The following KCNIP4 variants were observed in gnomAD, a reference collection of about 807,000 sequenced individuals.
KCNIP4 encodes Kv channel-interacting protein 4.
In KCNIP4, 12 loss-of-function variants were observed where a neutral mutation model predicts 34.0. The observed-to-expected ratio is 0.35, with a 90% CI of 0.23 to 0.57. The LOEUF is 0.57. KCNIP4 is among the 20% of genes least tolerant of loss of function. The pLI is 0.83. For missense variants in KCNIP4, 238 were observed against 311.7 expected, an observed-to-expected ratio of 0.76 and a Z score of 1.78; for synonymous variants, 124 against 102.2, an observed-to-expected ratio of 1.21 and a Z score of -1.29.
At chr4:21,178,357 T>C (rs1754583915) in intron 1 of KCNIP4, among the ~76,000 whole-genome samples, 1 of 152,120 alleles carries the variant, frequency 6.6e-6, no homozygotes, top group African/African-American at 2.4e-5. Context: ...GTTGTTGATG[T>C]TTTACTTGTC....
intron 1 of KCNIP4, among the ~76,000 whole-genome samples, chr4:20,986,339 A>T (rs1327789065): frequency 6.6e-6 from 1 of 152,202 alleles, no homozygotes; most frequent in African/African-American, 2.4e-5. Flanking sequence ...CACCTGCCCA[A>T]TCACCCATCC....
intron 1 of KCNIP4, among the ~76,000 whole-genome samples, chr4:21,414,855 A>G (rs2109602467): frequency 6.6e-6 from 1 of 152,284 alleles, no homozygotes; most frequent in Admixed American, 6.5e-5. Flanking sequence ...TTTATGGGGA[A>G]CATGAGATAT....
intron 1 of KCNIP4, among the ~76,000 whole-genome samples, chr4:21,830,797 G>C (rs1420326016): frequency 6.6e-6 from 1 of 152,084 alleles, no homozygotes; most frequent in African/African-American, 2.4e-5. Context: ...GTATATGTTA[G>C]GTCAAATGGA....
Position 21,757,175 on chromosome 4 carries a change from G to A in KCNIP4, c.61+191396C>T, listed in dbSNP as rs368489510. 3.0e-4 allele frequency among the ~76,000 whole-genome samples: 9 copies of A among 29,538 alleles called. 1 individual carries two copies. Among genetic ancestry groups the A allele is most frequent in the Non-Finnish European group, 5.1e-4 (8 of 15,618 alleles). 19.4% of individuals were successfully genotyped at this position (29,538 alleles called of 152,430 possible). On this transcript the variant is annotated intron_variant, in intron 1 of 8. Coordinates refer to ENST00000382152, the MANE Select transcript of KCNIP4 (RefSeq NM_025221.6). ...AGAAAGAAAGAAAGAAAGAAGGAAG[G>A]AAGGAAGGAAGGAAGGAAGGAAGGA...
intron 1 of KCNIP4, among the ~76,000 whole-genome samples, chr4:21,172,786 G>T (rs1301474358): frequency 6.6e-6 from 1 of 152,184 alleles, no homozygotes; most frequent in East Asian, 1.9e-4. Flanking sequence ...AACCATAGGT[G>T]TGCTTACCCT....
chr4:20,773,109 A>C (rs562688256), intron 3 of KCNIP4, among the ~76,000 whole-genome samples: 47 of 151,508 alleles, frequency 3.1e-4, no homozygotes, highest in African/African-American at 1.1e-3. Context: ...CTTAGTTATT[A>C]CTCTCAGTTG....
intron 1 of KCNIP4, among the ~76,000 whole-genome samples, chr4:21,223,048 T>C (rs1183545335): frequency 6.6e-6 from 1 of 152,198 alleles, no homozygotes; most frequent in East Asian, 1.9e-4. Flanking sequence ...CTAAATATGT[T>C]ACCTTACATA....
At chr4:20,778,174 G>C (rs78258339) in intron 3 of KCNIP4, among the ~76,000 whole-genome samples, 3,549 of 152,262 alleles carry the variant, frequency 0.023, 64 homozygotes, top group Non-Finnish European at 0.033. Context: ...GAAACAGGCT[G>C]TGTAGGCTTG....
intron 1 of KCNIP4, among the ~76,000 whole-genome samples, chr4:20,927,170 G>A (rs1016292311): frequency 1.3e-5 from 2 of 152,040 alleles, no homozygotes; most frequent in Non-Finnish European, 2.9e-5. Flanking sequence ...GTAGAGACAG[G>A]GTTTTACCAT....
intron 3 of KCNIP4, 40 bp from the exon 4 acceptor site, chr4:20,758,930 C>G (rs540944595): frequency 1.6e-5 from 25 of 1,554,548 alleles, no homozygotes; most frequent in Non-Finnish European, 2.2e-5. Context: ...GCAAAGTGTT[C>G]ATAAAACTGA....
intron 1 of KCNIP4, among the ~76,000 whole-genome samples, chr4:21,310,098 C>T (rs1159780029): frequency 6.6e-6 from 1 of 152,154 alleles, no homozygotes; most frequent in Non-Finnish European, 1.5e-5. Flanking sequence ...GGCCCGATCT[C>T]AGCTCATTGC....
intron 1 of KCNIP4, among the ~76,000 whole-genome samples, chr4:21,606,823 C>G (rs556300082): frequency 7.2e-4 from 109 of 152,156 alleles, no homozygotes; most frequent in Non-Finnish European, 1.2e-3. Context: ...AAATTCCTGA[C>G]GTTAGTTTTT....
chr4:21,324,698 G>GT (rs140772214), intron 1 of KCNIP4, among the ~76,000 whole-genome samples: 16,305 of 145,982 alleles, frequency 0.11, 1,000 homozygotes, highest in African/African-American at 0.16. Context: ...CTCCAGTTTT[G>GT]TTTTGTTTTT....
chr4:21,528,792 AAAGGAAGAAAGGAAGGAAGGAAGGAAGG>A (rs1736367347), intron 1 of KCNIP4, among the ~76,000 whole-genome samples: 4 of 20,338 alleles, frequency 2.0e-4, no homozygotes, highest in African/African-American at 7.8e-4. Context: ...AGAAAGGAAG[AAAGGAAGAAAGGAAGGAAGGAAGGAAGG>A]AAGGAAGGAA....
chr4:21,742,404 A>T (rs546552690), intron 1 of KCNIP4, among the ~76,000 whole-genome samples: 151 of 152,314 alleles, frequency 9.9e-4, no homozygotes, highest in Non-Finnish European at 1.8e-3. Flanking sequence ...ATTGCGATTT[A>T]GCTCCCTACA....
intron 4 of KCNIP4, among the ~76,000 whole-genome samples, chr4:20,757,375 T>C (rs1406869165): frequency 6.6e-6 from 1 of 152,196 alleles, no homozygotes; most frequent in African/African-American, 2.4e-5. Flanking sequence ...TCCACTGACC[T>C]ATCAGTGAAA....
At chr4:21,616,443 A>G (rs915023186) in intron 1 of KCNIP4, among the ~76,000 whole-genome samples, 2 of 152,178 alleles carry the variant, frequency 1.3e-5, no homozygotes, top group East Asian at 1.9e-4. Flanking sequence ...TTGTTTACCA[A>G]TGTGTTGCAA....
At chr4:21,014,264 A>G (rs1295390355) in intron 1 of KCNIP4, among the ~76,000 whole-genome samples, 2 of 152,208 alleles carry the variant, frequency 1.3e-5, no homozygotes, top group African/African-American at 2.4e-5. Flanking sequence ...TGAAAGTCAT[A>G]CTAAAAACTT....
chr4:21,381,006 G>C (rs1201039371), intron 1 of KCNIP4, among the ~76,000 whole-genome samples: 1 of 152,138 alleles, frequency 6.6e-6, no homozygotes, highest in Non-Finnish European at 1.5e-5. Context: ...TTTTTCATCT[G>C]AAGAGTCAAA....
Sources: gnomAD v4.1 joint callset for allele counts (sites outside exome capture counted in the v4.1 genomes callset) on GRCh38, gnomAD v4.1.1 for gene constraint, MANE v1.5 for transcripts, NCBI Gene and HGNC (gene_info 2026-07-23, HGNC 2026-07-21) for gene names.